The following GPR153 variants were observed in gnomAD, a reference collection of about 807,000 sequenced individuals.
GPR153 encodes probable G protein-coupled receptor 153.
GPR153 carries 27 observed loss-of-function variants against 34.1 expected under a neutral mutation model. That is an observed-to-expected ratio of 0.79 (90% CI 0.58 to 1.09). GPR153 has a LOEUF of 1.09. Among genes scored for constraint, GPR153 ranks in the 50% least tolerant of loss-of-function variants. The pLI is 0.00. For missense variants in GPR153, 848 were observed against 860.2 expected (o/e 0.99, Z 0.18); for synonymous variants, 408 against 405.4 (o/e 1.01, Z -0.08).
At chr1:6,253,494 C>T (rs775946818) in intron 3 of GPR153, among the ~76,000 whole-genome samples, 3 of 152,242 alleles carry the variant, frequency 2.0e-5, no homozygotes, top group African/African-American at 4.8e-5. Flanking sequence ...AGGCCCTGGG[C>T]CCTGCAGTTG....
At chr1:6,256,234 G>A (rs2100992036) in intron 1 of GPR153, among the ~76,000 whole-genome samples, 1 of 152,286 alleles carries the variant, frequency 6.6e-6, no homozygotes, top group East Asian at 1.9e-4. Context: ...AGAGGACGCA[G>A]CATTCAAGGC....
rs935471552 is a variant in GPR153 at position 6,249,217 on chromosome 1, C to A, written c.*121G>T. The A allele has an allele frequency of 8.5e-6, 6 of 702,508 alleles. No individual in the cohort carries two copies. The highest frequency in any genetic ancestry group is 1.2e-5 in the Non-Finnish European group (6 of 506,594). The allele number at this position is 702,508 out of a possible 1,614,324, so 43.5% of individuals were successfully genotyped here. A position where few individuals can be genotyped will look rare whatever the true frequency, so the allele number is the denominator to read the frequency against. Reference sequence around the variant, plus strand: ...GGAAGACAAACGCTGAGGCCAACGCCCCCTCACCCCTGGGAGGGGTGGCGC... The same window carrying A: ...GGAAGACAAACGCTGAGGCCAACGCACCCTCACCCCTGGGAGGGGTGGCGC... On this transcript the variant is annotated 3_prime_UTR_variant, in exon 6 of 6. Transcript: ENST00000377893. The surrounding 1 kb of genome is among the most constrained non-coding windows in gnomAD (Gnocchi z 4.3).
rs1239837698 is a variant in GPR153, at chr1:6,249,606, G to A, written c.1562C>T (p.Pro521Leu). 1.4e-5 allele frequency: 16 copies of A among 1,133,192 alleles called. No homozygotes were observed. The South Asian group carries it at 6.4e-4, about 45-fold the overall frequency. 70.2% of individuals were successfully genotyped at this position (1,133,192 alleles called of 1,614,324 possible). A position where few individuals can be genotyped will look rare whatever the true frequency, so the allele number is the denominator to read the frequency against. Residue 521 changes from proline to leucine, a missense_variant, in exon 6 of 6, where the codon CCC becomes CTC. Pro to Leu is a moderately conservative substitution (Grantham distance 98, BLOSUM62 -3). Transcript: ENST00000377893. This position sits in a 1 kb window ranked among gnomAD's most constrained non-coding sequence, Gnocchi z 4.3. ...EPQALRRPPG[P>L]FPAAPAAPDG... ...GGGGGCGGCGGGCGCAGCGGGGAAGGGCCCGGGCGGGCGGCGCAGGGCCTG... is the reference window on the plus strand; with the variant it reads ...GGGGGCGGCGGGCGCAGCGGGGAAGAGCCCGGGCGGGCGGCGCAGGGCCTG...
rs745950725 is a variant in GPR153 at position 6,254,514 on chromosome 1, TAGAACCCCA to T, written c.356+27_356+35del. 7 of 1,506,570 alleles carry T rather than the reference TAGAACCCCA, an allele frequency of 4.6e-6. No individual in the cohort carries two copies. The Admixed American group carries it at 1.0e-4, about 22-fold the overall frequency. The allele number at this position is 1,506,570 out of a possible 1,614,324, so 93.3% of individuals were successfully genotyped here. A position where few individuals can be genotyped will look rare whatever the true frequency, so the allele number is the denominator to read the frequency against. On this transcript the variant is annotated intron_variant, in intron 2 of 5. Transcript: ENST00000377893. The stretch of plus-strand genomic sequence containing the variant: ...ATATGTCTTTGTTTTCACGCCTGCT[TAGAACCCCA>T]AGAACCCCAGAACTTCACATGCTCA...
chr1:6,253,105 C>G (rs964398305), intron 3 of GPR153, among the ~76,000 whole-genome samples: 2 of 152,190 alleles, frequency 1.3e-5, no homozygotes, highest in African/African-American at 4.8e-5. Flanking sequence ...TCAAACGGCC[C>G]TTGAGGCCAG....
At position 6,249,895 on chromosome 1, in the gene GPR153, C is replaced by A. The variant is rs1203563440; in HGVS notation, c.1273G>T (p.Ala425Ser). The change falls in exon 6 of 6, where the codon GCG becomes TCG. Residue 425 changes from alanine (A) to serine (S), a missense_variant. Coordinates refer to ENST00000377893, the MANE Select transcript of GPR153 (RefSeq NM_207370.4). The surrounding 1 kb of genome is among the most constrained non-coding windows in gnomAD (Gnocchi z 4.3). ...WGSGEDLAAL[A>S]HLVLPAGPER... ...GGCCCGGCAGGCAGCACCAGGTGCG[C>A]CAGGGCGGCCAGGTCCTCGCCGGAG... 3 of 1,294,204 alleles carry A rather than the reference C, an allele frequency of 2.3e-6. No homozygotes were observed. The highest frequency in any genetic ancestry group is 2.9e-6 in the Non-Finnish European group (3 of 1,017,462). 80.2% of individuals were successfully genotyped at this position (1,294,204 alleles called of 1,614,324 possible). A position where few individuals can be genotyped will look rare whatever the true frequency, so the allele number is the denominator to read the frequency against.
rs1638358394 is a variant in GPR153, at chr1:6,248,819, G to C, written c.*519C>G. ...AAGCAGGGAAACCTGATCAAAGCTT[G>C]TTCGGGCTCTGAACACCCCTGTGCT... On this transcript the variant is annotated 3_prime_UTR_variant, in exon 6 of 6. Transcript: ENST00000377893. The C allele has an allele frequency of 6.6e-6, 1 of 152,322 alleles. No homozygotes were observed. The highest frequency in any genetic ancestry group is 2.4e-5 in the African/African-American group (1 of 41,346). 9.4% of individuals were successfully genotyped at this position (152,322 alleles called of 1,614,324 possible). A position where few individuals can be genotyped will look rare whatever the true frequency, so the allele number is the denominator to read the frequency against.
Position 6,249,187 on chromosome 1 carries a change from G to T in GPR153, c.*151C>A, listed in dbSNP as rs991265847. On this transcript the variant is annotated 3_prime_UTR_variant, in exon 6 of 6. Coordinates refer to ENST00000377893, the MANE Select transcript of GPR153 (RefSeq NM_207370.4). This position sits in a 1 kb window ranked among gnomAD's most constrained non-coding sequence, Gnocchi z 4.3. ...CCCCTGGGACAAGGCCAGCTGGGAG[G>T]AGCCGGAAGACAAACGCTGAGGCCA... 9.3e-6 allele frequency: 5 copies of T among 537,032 alleles called. No homozygotes were observed. Among genetic ancestry groups the T allele is most frequent in the Non-Finnish European group, 1.4e-5 (5 of 356,254 alleles). The allele number at this position is 537,032 out of a possible 1,614,324, so 33.3% of individuals were successfully genotyped here. A position where few individuals can be genotyped will look rare whatever the true frequency, so the allele number is the denominator to read the frequency against.
Position 6,251,357 on chromosome 1 carries a change from G to C in GPR153, c.960C>G (p.Asn320Lys), listed in dbSNP as rs372152038. The change falls in exon 4 of 6, where the codon AAC (asparagine) becomes AAG (lysine). Residue 320 changes from asparagine to lysine, a missense_variant. Asn to Lys is a moderately conservative substitution (Grantham distance 94). Transcript: ENST00000377893. This position sits in a 1 kb window ranked among gnomAD's most constrained non-coding sequence, Gnocchi z 4.9. ...VREKCMALMA[N>K]DEESDDETSL... ...CCTCACCATCGTCTGACTCCTCGTC[G>C]TTGGCCATGAGGGCCATGCACTTCT... is the stretch of plus-strand genomic sequence containing the variant. 1.9e-6 allele frequency: 3 copies of C among 1,608,630 alleles called. No homozygotes were observed. Among genetic ancestry groups the C allele is most frequent in the Non-Finnish European group, 8.5e-7 (1 of 1,176,622 alleles).
intron 1 of GPR153, among the ~76,000 whole-genome samples, chr1:6,255,230 G>C (rs529208170): frequency 6.7e-6 from 1 of 149,480 alleles, no homozygotes; most frequent in Admixed American, 6.7e-5. Flanking sequence ...ACAGAGTCTC[G>C]CTCCGTAGCC....
chr1:6,250,337 C>T, intron 5 of GPR153, 103 bp downstream of exon 5: 1 of 1,456,522 alleles, frequency 6.9e-7, no homozygotes, highest in Admixed American at 2.6e-5. Flanking sequence ...GCCACCCCTG[C>T]GACTGCAGAA....
chr1:6,249,687 GC>G lies in GPR153; in HGVS notation c.1480del (p.Ala494ProfsTer12). ...RRRPGPGPRS[A>X]SASLLPDAFA... Reference sequence around the variant, plus strand: ...GGCGTCGGGCAGCAGCGAGGCCGAGGCGGAGCGGGGGCCGGGCCCGGGGCGG... The same window carrying G: ...GGCGTCGGGCAGCAGCGAGGCCGAGGGGAGCGGGGGCCGGGCCCGGGGCGG... On this transcript the variant is annotated frameshift_variant, in exon 6 of 6. Transcript: ENST00000377893. LOFTEE classifies it low-confidence loss of function (END_TRUNC). The surrounding 1 kb of genome is among the most constrained non-coding windows in gnomAD (Gnocchi z 4.3). 1 of 1,051,426 alleles carries G rather than the reference GC, an allele frequency of 9.5e-7. No individual in the cohort carries two copies. The allele number at this position is 1,051,426 out of a possible 1,614,324, so 65.1% of individuals were successfully genotyped here.
chr1:6,254,229 C>T (rs953194817), intron 2 of GPR153, 82 bp from the exon 3 acceptor site: 41 of 1,366,980 alleles, frequency 3.0e-5, no homozygotes, highest in Non-Finnish European at 3.7e-5. Flanking sequence ...GTAGGGGATC[C>T]GCACCACCCA....
chr1:6,250,896 T>A (rs367756205), intron 4 of GPR153, among the ~76,000 whole-genome samples: 1 of 152,292 alleles, frequency 6.6e-6, no homozygotes, highest in East Asian at 1.9e-4. Context: ...TCGGGAGGAC[T>A]AAATAACACA....
At chr1:6,258,606 GCAGA>G (rs1320714160) in intron 1 of GPR153, among the ~76,000 whole-genome samples, 1 of 152,224 alleles carries the variant, frequency 6.6e-6, no homozygotes, top group East Asian at 1.9e-4. Context: ...GGGGTTCAGA[GCAGA>G]CAGAGTGTGA....
chr1:6,248,988 A>T lies in GPR153; in HGVS notation c.*350T>A. On this transcript the variant is annotated 3_prime_UTR_variant, in exon 6 of 6. Transcript: ENST00000377893. ...TCCGATCCCGCAGTGGCCCTGTCTC[A>T]GGTTCCCTGCTCCCGACGTCCTGTT... 1 of 198,594 alleles carries T rather than the reference A, an allele frequency of 5.0e-6. No homozygotes were observed. 12.3% of individuals were successfully genotyped at this position (198,594 alleles called of 1,614,324 possible).
intron 1 of GPR153, among the ~76,000 whole-genome samples, chr1:6,255,246 T>G (rs1638540832): frequency 6.6e-6 from 1 of 151,876 alleles, no homozygotes; most frequent in Non-Finnish European, 1.5e-5. Context: ...TAGCCCAGGC[T>G]GGAGTGCAGT....
chr1:6,251,955 C>A lies in GPR153; in HGVS notation c.787-425G>T, dbSNP rs571192552. Among the ~76,000 whole-genome samples the A allele has an allele frequency of 5.2e-4, 79 of 152,288 alleles. No homozygotes were observed. The South Asian group carries it at 7.2e-3, about 14-fold the overall frequency. On this transcript the variant is annotated intron_variant, in intron 3 of 5. Coordinates refer to ENST00000377893, the MANE Select transcript of GPR153 (RefSeq NM_207370.4). This position sits in a 1 kb window ranked among gnomAD's most constrained non-coding sequence, Gnocchi z 4.9. The stretch of plus-strand genomic sequence containing the variant: ...GGATTACGGGTATGAATCACTGTGC[C>A]CGGCTGCCATCCCCTTTTTGAGATG...
Position 6,249,443 on chromosome 1 carries a change from C to T in GPR153, c.1725G>A (p.Leu575=). 3.7e-6 allele frequency: 5 copies of T among 1,361,562 alleles called. No individual in the cohort carries two copies. The highest frequency in any genetic ancestry group is 3.5e-5 in the Admixed American group (1 of 28,718). The allele number at this position is 1,361,562 out of a possible 1,614,324, so 84.3% of individuals were successfully genotyped here. A position where few individuals can be genotyped will look rare whatever the true frequency, so the allele number is the denominator to read the frequency against. Residue 575 remains leucine, a synonymous_variant, in exon 6 of 6, where the codon CTG becomes CTA. Coordinates refer to ENST00000377893, the MANE Select transcript of GPR153 (RefSeq NM_207370.4). This position sits in a 1 kb window ranked among gnomAD's most constrained non-coding sequence, Gnocchi z 4.3. ...LSASWGEPGG[L]RAAGGGGSTS... is the part of the protein sequence containing the mutation. ...TGCTGCCGCCGCCGCCCGCCGCGCG[C>T]AGCCCCCCGGGCTCGCCCCACGACG...
Sources: allele counts gnomAD v4.1 joint callset (sites outside exome capture counted in the v4.1 genomes callset), GRCh38; gene constraint gnomAD v4.1.1; non-coding constraint Gnocchi (gnomAD v3.1); transcripts MANE v1.5; gene names NCBI Gene and HGNC (gene_info 2026-07-23, HGNC 2026-07-21).